EP400: variants seen among roughly 807,000 people sequenced by gnomAD.
EP400 encodes E1A binding protein p400.
EP400 carries 105 observed loss-of-function variants against 354.1 expected under a neutral mutation model. The observed-to-expected ratio is 0.30, with a 90% CI of 0.25 to 0.35. The LOEUF (loss-of-function observed/expected upper bound fraction) is 0.35. Ranked by LOEUF, EP400 falls within the 10% of genes least tolerant of loss-of-function variation. EP400 has a pLI of 1.00. For missense variants in EP400, 3,280 were observed against 4,121.0 expected, an observed-to-expected ratio of 0.80 and a Z score of 5.59; for synonymous variants, 1,646 against 1,716.9, an observed-to-expected ratio of 0.96 and a Z score of 1.02.
At chr12:132,010,782 A>G (rs1047551524) in intron 15 of EP400, among the ~76,000 whole-genome samples, 2 of 152,168 alleles carry the variant, frequency 1.3e-5, no homozygotes, top group Non-Finnish European at 2.9e-5. Flanking sequence ...TCTCTACTAA[A>G]AATACAAAAA....
intron 50 of EP400, 71 bp from the exon 51 acceptor site, chr12:132,069,424 G>A: frequency 6.4e-7 from 1 of 1,571,322 alleles, no homozygotes; most frequent in East Asian, 2.2e-5. Context: ...AGGGCCCAGA[G>A]CGGGCAGGCG....
chr12:131,963,389 G>T (rs904704717), intron 2 of EP400: 7 of 636,542 alleles, frequency 1.1e-5, no homozygotes, highest in African/African-American at 5.5e-5. Flanking sequence ...TGTCAGTTCA[G>T]TATCCTTTCA....
chr12:131,975,596 G>A (rs1892446634), intron 2 of EP400, among the ~76,000 whole-genome samples: 1 of 151,746 alleles, frequency 6.6e-6, no homozygotes, highest in Admixed American at 6.6e-5. Flanking sequence ...GTCTCACTCT[G>A]TCACCCAGGC....
At chr12:132,036,605 C>T (rs779038865) in intron 30 of EP400, among the ~76,000 whole-genome samples, 1 of 152,290 alleles carries the variant, frequency 6.6e-6, no homozygotes, top group East Asian at 1.9e-4. Flanking sequence ...CACTGTCACA[C>T]GTGCAGCAGC....
intron 45 of EP400, among the ~76,000 whole-genome samples, chr12:132,055,565 G>GGTT (rs1325750512): frequency 2.2e-5 from 3 of 134,398 alleles, no homozygotes; most frequent in African/African-American, 8.5e-5. Context: ...GAGGTGTAGG[G>GGTT]GTGTGTGTGA....
At chr12:131,984,102 G>A (rs1892773118) in intron 5 of EP400, among the ~76,000 whole-genome samples, 1 of 152,106 alleles carries the variant, frequency 6.6e-6, no homozygotes, top group Non-Finnish European at 1.5e-5. Context: ...GTTTCTCCAT[G>A]GGTTAGGCTG....
intron 30 of EP400, 95 bp downstream of exon 30, chr12:132,032,244 T>C: frequency 7.2e-7 from 1 of 1,389,810 alleles, no homozygotes; most frequent in Non-Finnish European, 9.7e-7. Flanking sequence ...ATGGAGTCAA[T>C]GAGAAGCTTT....
chr12:132,065,429 G>A (rs1017930616), intron 48 of EP400: 1 of 158,900 alleles, frequency 6.3e-6, no homozygotes, highest in Admixed American at 5.8e-5. Flanking sequence ...AGCTCAGCTA[G>A]GGGTACTGGT....
chr12:132,071,814 T>G (rs1231304686), intron 51 of EP400, among the ~76,000 whole-genome samples: 1 of 152,234 alleles, frequency 6.6e-6, no homozygotes, highest in East Asian at 1.9e-4. Context: ...TGCTCAGCTT[T>G]TCTGCTCTCT....
At chr12:131,991,279 G>C in intron 9 of EP400, 128 bp from the exon 10 acceptor site, 1 of 838,010 alleles carries the variant, frequency 1.2e-6, no homozygotes, top group Non-Finnish European at 2.0e-6. Context: ...ATGATGAGGA[G>C]GCAGAACTCA....
chr12:132,062,112 G>A lies in EP400; in HGVS notation c.7887G>A (p.Thr2629=), dbSNP rs530971555. Residue 2629 remains threonine (T), a splice_region_variant and synonymous_variant, in exon 46 of 53, where the codon ACG becomes ACA. Transcript: ENST00000389561. ...GGTCCTCTGTTTGCCTTTTCTAGACGCCGGGAGGCTCTGCTCCCGCCCAGG... is the reference window on the plus strand; with the variant it reads ...GGTCCTCTGTTTGCCTTTTCTAGACACCGGGAGGCTCTGCTCCCGCCCAGG... ...ASPVAPGALT[T]PGGSAPAQVV... 46 of 1,611,852 alleles carry A rather than the reference G, an allele frequency of 2.9e-5. No individual in the cohort carries two copies. In the South Asian group the frequency reaches 4.1e-4, roughly 14 times the overall value.
chr12:131,991,591 TTG>T, intron 10 of EP400, 135 bp downstream of exon 10: 1 of 831,838 alleles, frequency 1.2e-6, no homozygotes, highest in South Asian at 1.7e-5. Flanking sequence ...TTTTTTTTTT[TTG>T]TTTTAGAGAC....
intron 2 of EP400, among the ~76,000 whole-genome samples, chr12:131,978,442 T>C (rs550421962): frequency 6.6e-6 from 1 of 152,356 alleles, no homozygotes; most frequent in African/African-American, 2.4e-5. Context: ...TTTGTCTCTA[T>C]AGTTTTGCCT....
chr12:131,976,716 A>G (rs1566168795), intron 2 of EP400, among the ~76,000 whole-genome samples: 1 of 152,212 alleles, frequency 6.6e-6, no homozygotes, highest in Non-Finnish European at 1.5e-5. Context: ...TCTCAAAAAA[A>G]CAAAAAACAA....
intron 12 of EP400, 140 bp downstream of exon 12, chr12:131,995,096 GCTCT>G: frequency 2.6e-6 from 2 of 756,946 alleles, no homozygotes; most frequent in Non-Finnish European, 4.2e-6. Context: ...GCCTCCTGCT[GCTCT>G]CTCTCCTGAC....
At position 132,038,215 on chromosome 12, in the gene EP400, C is replaced by G; in HGVS notation, c.6207+119C>G. On this transcript the variant is annotated intron_variant, in intron 32 of 52. Transcript: ENST00000389561. This position sits in a 1 kb window ranked among gnomAD's most constrained non-coding sequence, Gnocchi z 4.2. Reference sequence around the variant, plus strand: ...CTCTTCCCTGGCCTGAAGCCCTCTTCCCGTCCCTGCTTTTGGAACCTCCCC... The same window carrying G: ...CTCTTCCCTGGCCTGAAGCCCTCTTGCCGTCCCTGCTTTTGGAACCTCCCC... The G allele has an allele frequency of 7.6e-7, 1 of 1,314,572 alleles. No individual in the cohort carries two copies. Among genetic ancestry groups the G allele is most frequent in the Non-Finnish European group, 1.0e-6 (1 of 963,300 alleles). 81.4% of individuals were successfully genotyped at this position (1,314,572 alleles called of 1,614,324 possible).
In EP400 at chr12:132,021,257, G is replaced by T. The variant is rs547140577; in HGVS notation, c.4626G>T (p.Ala1542=). 8 of 1,540,956 alleles carry T rather than the reference G, an allele frequency of 5.2e-6. 1 individual carries two copies. In the South Asian group the frequency reaches 7.1e-5, roughly 14 times the overall value. Reference sequence around the variant, plus strand: ...CCCAGCCCCAGGCCCCCTCGCACGCGGCCGGGCAGAGCGCGCTGCCTCAGA... The same window carrying T: ...CCCAGCCCCAGGCCCCCTCGCACGCTGCCGGGCAGAGCGCGCTGCCTCAGA... ...PPPQPQAPSH[A]AGQSALPQRL... The change falls in exon 23 of 53, where the codon GCG becomes GCT. Residue 1542 remains alanine (A), a synonymous_variant. Coordinates refer to ENST00000389561, the MANE Select transcript of EP400 (RefSeq NM_015409.5).
intron 4 of EP400, 49 bp downstream of exon 4, chr12:131,981,645 A>G (rs763043363): frequency 1.0e-5 from 15 of 1,498,786 alleles, no homozygotes; most frequent in East Asian, 2.4e-5. Flanking sequence ...CAGGCAGCAC[A>G]CTGCGGTTCC....
At chr12:132,042,290 T>C (rs71470360) in intron 32 of EP400, among the ~76,000 whole-genome samples, 5,958 of 152,276 alleles carry the variant, frequency 0.039, 166 homozygotes, top group Non-Finnish European at 0.063. Context: ...GAGTTCTTTA[T>C]GTATCCCGAT....
Sources: allele counts gnomAD v4.1 joint callset (sites outside exome capture counted in the v4.1 genomes callset), GRCh38; gene constraint gnomAD v4.1.1; non-coding constraint Gnocchi (gnomAD v3.1); transcripts MANE v1.5; gene names NCBI Gene and HGNC (gene_info 2026-07-23, HGNC 2026-07-21).